The following GPAT3 variants were observed in gnomAD, a reference collection of about 807,000 sequenced individuals.
GPAT3 encodes the protein glycerol-3-phosphate acyltransferase 3, also known as 1-AGP acyltransferase 9.
A neutral mutation model predicts 58.8 loss-of-function variants in GPAT3; 53 were observed. That is an observed-to-expected ratio of 0.90 (90% CI 0.72 to 1.13). The LOEUF (loss-of-function observed/expected upper bound fraction) is 1.13. Ranked by LOEUF, GPAT3 falls within the 50% of genes most tolerant of loss-of-function variation. GPAT3 has a pLI of 0.00. For synonymous variants in GPAT3, 197 were observed against 187.4 expected (o/e 1.05, Z -0.42); for missense variants, 511 against 527.6 (o/e 0.97, Z 0.31).
chr4:83,536,760 A>G lies in GPAT3; in HGVS notation c.138A>G (p.Leu46=). 1 of 1,609,892 alleles carries G rather than the reference A, an allele frequency of 6.2e-7. No individual in the cohort carries two copies. The highest frequency in any genetic ancestry group is 8.5e-7 in the Non-Finnish European group (1 of 1,178,806). Residue 46 remains leucine, a synonymous_variant, in exon 1 of 12, where the codon TTA becomes TTG. Transcript: ENST00000264409. ...ACATGAAGATCCTAGTGAAAACTTT[A>G]GAGGTGAGTGCCGGGAGGGATGCAG... ...EIYMKILVKT[L]EWATIRIEKG... is the part of the protein sequence containing the mutation.
intron 2 of GPAT3, among the ~76,000 whole-genome samples, chr4:83,575,119 G>A (rs565045942): frequency 1.5e-4 from 22 of 151,432 alleles, no homozygotes; most frequent in African/African-American, 2.7e-4. Context: ...CTCGTGATCC[G>A]CCCGCCTCGG....
intron 6 of GPAT3, 117 bp downstream of exon 6, chr4:83,590,409 T>C: frequency 1.2e-6 from 1 of 823,786 alleles, no homozygotes. Flanking sequence ...TGCGTTATAC[T>C]ATTGTAGCTA....
In GPAT3 at chr4:83,581,738, AG is replaced by A. The variant is rs1276714675; in HGVS notation, c.386del (p.Arg129LysfsTer4). The A allele has an allele frequency of 2.6e-5, 42 of 1,614,072 alleles. No homozygotes were observed. The East Asian group carries it at 9.1e-4, about 35-fold the overall frequency. On this transcript the variant is annotated frameshift_variant, in exon 3 of 12. Coordinates refer to ENST00000264409, the MANE Select transcript of GPAT3 (RefSeq NM_032717.5). LOFTEE classifies it high-confidence loss of function. ...EELVSWNLLT[R>X]TNVNFQYISL... is the part of the protein sequence containing the mutation. The stretch of plus-strand genomic sequence containing the variant: ...GCTAGTGTCATGGAATCTCCTCACA[AG>A]AACCAATGTAAATTTCCAGTACATC...
intron 3 of GPAT3, among the ~76,000 whole-genome samples, chr4:83,584,020 A>C (rs1726270779): frequency 6.6e-6 from 1 of 152,158 alleles, no homozygotes; most frequent in South Asian, 2.1e-4. Flanking sequence ...AGCTTTAGTC[A>C]AGTTTAATAT....
intron 2 of GPAT3, among the ~76,000 whole-genome samples, chr4:83,575,077 C>T (rs1037771083): frequency 9.9e-5 from 15 of 151,782 alleles, no homozygotes; most frequent in Admixed American, 7.2e-4. Flanking sequence ...GGGGTTTCAC[C>T]GTGTTAGCCA....
chr4:83,558,872 G>T (rs918527759), intron 2 of GPAT3, among the ~76,000 whole-genome samples: 1 of 152,118 alleles, frequency 6.6e-6, no homozygotes, highest in Non-Finnish European at 1.5e-5. Flanking sequence ...GATCTGTGAA[G>T]GCTGATTACT....
intron 2 of GPAT3, among the ~76,000 whole-genome samples, chr4:83,580,690 T>G (rs1271173272): frequency 1.3e-5 from 2 of 152,222 alleles, no homozygotes; most frequent in Non-Finnish European, 2.9e-5. Flanking sequence ...CACATTTCCT[T>G]TTTCACTAGT....
intron 2 of GPAT3, among the ~76,000 whole-genome samples, chr4:83,579,078 CTTCCCTTCCTT>C (rs1560621425): frequency 1.4e-3 from 34 of 24,942 alleles, no homozygotes; most frequent in Admixed American, 2.3e-3. Flanking sequence ...TTCTTTCTTT[CTTCCCTTCCTT>C]CCTTCCTTCC....
intron 2 of GPAT3, among the ~76,000 whole-genome samples, chr4:83,577,932 C>G (rs537006226): frequency 2.0e-5 from 3 of 151,396 alleles, no homozygotes; most frequent in Non-Finnish European, 4.4e-5. Flanking sequence ...CCCCAGTAGC[C>G]GGGATTACAG....
chr4:83,536,876 AT>A (rs1724117216), intron 1 of GPAT3, 113 bp downstream of exon 1: 1 of 946,542 alleles, frequency 1.1e-6, no homozygotes, highest in Non-Finnish European at 1.6e-6. Flanking sequence ...GCGCGTGTGC[AT>A]GCGTGCGTGC....
chr4:83,596,074 A>C (rs1417849509), intron 7 of GPAT3, among the ~76,000 whole-genome samples: 1 of 152,206 alleles, frequency 6.6e-6, no homozygotes, highest in Non-Finnish European at 1.5e-5. Flanking sequence ...TAAGCCTGGA[A>C]GAATGTCAGT....
At chr4:83,536,034 C>A (rs1359724473), upstream of GPAT3, 3 of 985,284 alleles carry the variant, frequency 3.0e-6, no homozygotes, top group Non-Finnish European at 3.6e-6. Flanking sequence ...CCAGGGAGCT[C>A]CCCCGTTGGG....
chr4:83,557,831 G>A (rs1434903783), intron 2 of GPAT3, among the ~76,000 whole-genome samples: 2 of 152,216 alleles, frequency 1.3e-5, no homozygotes, highest in East Asian at 3.8e-4. Flanking sequence ...GTTTGAGGTA[G>A]TATTGATGAA....
intron 11 of GPAT3, among the ~76,000 whole-genome samples, chr4:83,602,837 T>C (rs922095726): frequency 1.3e-5 from 2 of 152,224 alleles, no homozygotes; most frequent in Non-Finnish European, 2.9e-5. Context: ...AGAAGCTCAT[T>C]TGGATAAAAG....
chr4:83,596,767 C>T, intron 7 of GPAT3, 91 bp from the exon 8 acceptor site: 1 of 956,668 alleles, frequency 1.0e-6, no homozygotes, highest in South Asian at 1.4e-5. Flanking sequence ...TATTGCTTCA[C>T]AATTGTGCCA....
intron 1 of GPAT3, among the ~76,000 whole-genome samples, chr4:83,541,698 G>A (rs1418864338): frequency 1.3e-5 from 2 of 152,184 alleles, no homozygotes; most frequent in Admixed American, 1.3e-4. Context: ...GTTTGCTGGA[G>A]CTGCCATAAC....
intron 10 of GPAT3, 90 bp from the exon 11 acceptor site, chr4:83,598,554 A>T: frequency 9.1e-7 from 1 of 1,098,966 alleles, no homozygotes; most frequent in Non-Finnish European, 1.4e-6. Flanking sequence ...TATGAATCTT[A>T]TATTTTAAAA....
intron 9 of GPAT3, 26 bp downstream of exon 9, chr4:83,597,541 A>G: frequency 7.4e-7 from 1 of 1,349,234 alleles, no homozygotes; most frequent in Non-Finnish European, 1.0e-6. Flanking sequence ...TAATAAGAAT[A>G]ATAATTATTA....
chr4:83,597,135 A>G (rs1309558363), intron 8 of GPAT3, among the ~76,000 whole-genome samples: 1 of 152,174 alleles, frequency 6.6e-6, no homozygotes, highest in Non-Finnish European at 1.5e-5. Context: ...TAGTGAACTG[A>G]GAGCAGAATT....
Sources: allele counts gnomAD v4.1 joint callset (sites outside exome capture counted in the v4.1 genomes callset), GRCh38; gene constraint gnomAD v4.1.1; transcripts MANE v1.5; gene names NCBI Gene and HGNC (gene_info 2026-07-23, HGNC 2026-07-21).